The following NUMA1 variants were observed in gnomAD, a reference collection of about 807,000 sequenced individuals.
NUMA1 encodes the protein nuclear mitotic apparatus protein 1, also known as SP-H antigen.
A neutral mutation model predicts 237.1 loss-of-function variants in NUMA1; 62 were observed. The observed-to-expected ratio is 0.26, with a 90% CI of 0.21 to 0.32. The LOEUF is 0.32. Ranked by LOEUF, NUMA1 falls within the 10% of genes least tolerant of loss-of-function variation. NUMA1 has a pLI of 1.00. For missense variants in NUMA1, 2,533 were observed against 2,666.5 expected, an observed-to-expected ratio of 0.95 and a Z score of 1.10; for synonymous variants, 1,028 against 1,066.1, an observed-to-expected ratio of 0.96 and a Z score of 0.70.
intron 1 of NUMA1, among the ~76,000 whole-genome samples, chr11:72,076,370 C>A (rs1283829252): frequency 2.6e-5 from 4 of 151,634 alleles, no homozygotes; most frequent in Non-Finnish European, 5.9e-5. Context: ...CCAGACAGAT[C>A]CTATCTCAAA....
chr11:72,077,968 T>C (rs2136372795), intron 1 of NUMA1, among the ~76,000 whole-genome samples: 1 of 152,132 alleles, frequency 6.6e-6, no homozygotes, highest in East Asian at 1.9e-4. Context: ...GGAAAAATAG[T>C]GAAAAAGCAA....
chr11:72,074,417 C>A (rs1057260803), intron 1 of NUMA1, among the ~76,000 whole-genome samples: 1 of 152,054 alleles, frequency 6.6e-6, no homozygotes, highest in Non-Finnish European at 1.5e-5. Context: ...ACAATATACG[C>A]TGGAAAAAAA....
intron 3 of NUMA1, among the ~76,000 whole-genome samples, chr11:72,035,095 A>G (rs7480015): frequency 0.89 from 135,259 of 151,990 alleles, 60,429 homozygotes; most frequent in Non-Finnish European, 0.95. Context: ...GGGCTCAAGC[A>G]ATCCTCCTGC....
intron 19 of NUMA1, 58 bp downstream of exon 19, chr11:72,008,909 G>T (rs1194056522): frequency 1.4e-5 from 23 of 1,612,036 alleles, no homozygotes; most frequent in Non-Finnish European, 2.0e-5. Flanking sequence ...CCTAGGAGGA[G>T]AGGGCACAGG....
intron 20 of NUMA1, chr11:72,007,690 A>C (rs928953295): frequency 5.6e-6 from 3 of 536,652 alleles, no homozygotes; most frequent in Non-Finnish European, 9.9e-6. Flanking sequence ...CCAGATGCCC[A>C]TGGCTGCTTC....
chr11:72,061,986 G>C (rs906663689), intron 2 of NUMA1, among the ~76,000 whole-genome samples: 3 of 152,010 alleles, frequency 2.0e-5, no homozygotes, highest in Non-Finnish European at 4.4e-5. Context: ...TAGCAGATTC[G>C]CTAGGAAGCA....
chr11:72,041,748 G>C (rs971403120), intron 2 of NUMA1: 4 of 152,482 alleles, frequency 2.6e-5, no homozygotes, highest in Non-Finnish European at 5.9e-5. Context: ...CACCTTCCAT[G>C]GGCACCGCCT....
rs1383210808 is a variant in NUMA1, at chr11:72,018,402, T to C, written c.854A>G (p.Asn285Ser). The C allele has an allele frequency of 6.2e-7, 1 of 1,613,852 alleles. No individual in the cohort carries two copies. Among genetic ancestry groups the C allele is most frequent in the East Asian group, 2.2e-5 (1 of 44,876 alleles). ...AATGCAGGGAGAGCTGTACCTCTCA[T>C]TCTTGTCACGCAGCTCCTCAAGCTC... ...PKELEELRDK[N>S]ESLTMRLHET... Residue 285 changes from asparagine (N) to serine (S), a missense_variant, in exon 11 of 27, where the codon AAT becomes AGT. By Grantham distance (46) the Asn-to-Ser change is conservative. Around this residue, in one of 3 missense-constraint regions of NUMA1, gnomAD observed 1,414 missense variants for 1,508.1 expected, o/e 0.94. Coordinates refer to ENST00000393695, the MANE Select transcript of NUMA1 (RefSeq NM_006185.4).
chr11:72,050,093 G>A (rs2136013422), intron 2 of NUMA1, among the ~76,000 whole-genome samples: 1 of 152,268 alleles, frequency 6.6e-6, no homozygotes. Flanking sequence ...CTTGGAAACT[G>A]GTAGTACCAA....
In NUMA1 at chr11:72,013,453, G is replaced by A. The variant is rs757818329; in HGVS notation, c.4050C>T (p.His1350=). ...EQALSTLQLE[H]TSTQALVSEL... ...CACTCACCAGGGCCTGTGTGCTGGT[G>A]TGCTCGAGCTGCAGGGTGGAGAGGG... Residue 1350 remains histidine, a synonymous_variant, in exon 15 of 27, where the codon CAC becomes CAT. Transcript: ENST00000393695. The surrounding 1 kb of genome is among the most constrained non-coding windows in gnomAD (Gnocchi z 6.8). The A allele has an allele frequency of 2.7e-5, 43 of 1,613,268 alleles. No individual in the cohort carries two copies. The highest frequency in any genetic ancestry group is 4.5e-5 in the East Asian group (2 of 44,902).
At chr11:72,010,941 G>A (rs1257211788) in intron 16 of NUMA1, 87 bp from the exon 17 acceptor site, 1 of 1,164,836 alleles carries the variant, frequency 8.6e-7, no homozygotes, top group East Asian at 2.3e-5. Context: ...GGGTTTCCCA[G>A]ACCAGGATCC....
Position 72,079,102 on chromosome 11 carries a change from T to C in NUMA1, c.-103+1356A>G, listed in dbSNP as rs543395501. Among the ~76,000 whole-genome samples, 6 of 152,252 alleles carry C rather than the reference T, an allele frequency of 3.9e-5. No homozygotes were observed. The South Asian group carries it at 1.2e-3, about 32-fold the overall frequency. On this transcript the variant is annotated intron_variant, in intron 1 of 26. Coordinates refer to ENST00000393695, the MANE Select transcript of NUMA1 (RefSeq NM_006185.4). ...CTAAATGAAAACGGGAAAGCGAAAT[T>C]CCTGTGCCCTTTCAGCCCAAGAAAT...
chr11:72,005,129 G>A lies in NUMA1; in HGVS notation c.5829+104C>T, dbSNP rs999007311. On this transcript the variant is annotated intron_variant, in intron 23 of 26. Transcript: ENST00000393695. ...TGAGAAGGTCACCCTCCCCCTCCTC[G>A]GCCAGTCAGTGATCCAGGGCCCTAG... 1.3e-4 allele frequency: 166 copies of A among 1,301,510 alleles called. No individual in the cohort carries two copies. The East Asian group carries it at 3.9e-3, about 31-fold the overall frequency. The allele number at this position is 1,301,510 out of a possible 1,614,324, so 80.6% of individuals were successfully genotyped here. A position where few individuals can be genotyped will look rare whatever the true frequency, so the allele number is the denominator to read the frequency against.
rs776029699 is a variant in NUMA1 at position 72,004,232 on chromosome 11, G to C, written c.6116C>G (p.Thr2039Ser). 17 of 1,610,788 alleles carry C rather than the reference G, an allele frequency of 1.1e-5. No homozygotes were observed. Among genetic ancestry groups the C allele is most frequent in the Admixed American group, 3.4e-5 (2 of 58,586 alleles). Residue 2039 changes from threonine (T) to serine (S), a missense_variant, in exon 25 of 27, where the codon ACT (threonine) becomes AGT (serine). Thr to Ser is a moderately conservative substitution (Grantham distance 58). Coordinates refer to ENST00000393695, the MANE Select transcript of NUMA1 (RefSeq NM_006185.4). ...EAQKKAAPAS[T>S]KQADRRQSMA... Reference sequence around the variant, plus strand: ...CTTCAGCCCCAGCCTCACCTGTTTAGTAGAAGCTGGAGCTGCTTTCTTCTG... The same window carrying C: ...CTTCAGCCCCAGCCTCACCTGTTTACTAGAAGCTGGAGCTGCTTTCTTCTG...
At chr11:72,018,730 C>T (rs1938286195) in intron 10 of NUMA1, 93 bp downstream of exon 10, 3 of 1,455,764 alleles carry the variant, frequency 2.1e-6, no homozygotes, top group East Asian at 4.5e-5. Context: ...GAGCTCTCAG[C>T]TCCAGGGGCC....
At chr11:72,011,466 G>T (rs1956157985) in intron 16 of NUMA1, among the ~76,000 whole-genome samples, 1 of 152,198 alleles carries the variant, frequency 6.6e-6, no homozygotes, top group Non-Finnish European at 1.5e-5. Flanking sequence ...ACAGGGAGTA[G>T]GGGAAAAGAG....
At chr11:72,012,312 G>T in intron 16 of NUMA1, 89 bp downstream of exon 16, 1 of 1,244,204 alleles carries the variant, frequency 8.0e-7, no homozygotes, top group Non-Finnish European at 1.2e-6. Flanking sequence ...CACAACAGGA[G>T]CTGGCGGAGG....
intron 2 of NUMA1, among the ~76,000 whole-genome samples, chr11:72,048,120 G>T (rs1489736795): frequency 6.6e-6 from 1 of 152,028 alleles, no homozygotes; most frequent in East Asian, 1.9e-4. Context: ...CTTTCAAGAT[G>T]GAGTCTCGCT....
chr11:72,077,813 C>CAAAAAAAA (rs374544097), intron 1 of NUMA1, among the ~76,000 whole-genome samples: 1 of 26,788 alleles, frequency 3.7e-5, no homozygotes. Flanking sequence ...GACTCCATCT[C>CAAAAAAAA]AAAAAAAAAA....
Sources: allele counts gnomAD v4.1 joint callset (sites outside exome capture counted in the v4.1 genomes callset), GRCh38; gene constraint gnomAD v4.1.1; regional missense constraint gnomAD v4.1.1; non-coding constraint Gnocchi (gnomAD v3.1); transcripts MANE v1.5; gene names NCBI Gene and HGNC (gene_info 2026-07-23, HGNC 2026-07-21).